UACA: variants seen among roughly 807,000 people sequenced by gnomAD.
UACA encodes the protein uveal autoantigen with coiled-coil domains and ankyrin repeats, also known as nuclear membrane binding protein.
In UACA, 112 loss-of-function variants were observed where a neutral mutation model predicts 160.5. The observed-to-expected ratio is 0.70, with a 90% confidence interval of 0.60 to 0.82. The LOEUF is 0.82. Ranked by LOEUF, UACA falls within the 40% of genes least tolerant of loss-of-function variation. The pLI, the probability that UACA is intolerant of heterozygous loss-of-function variation, is 0.00. For synonymous variants in UACA, 557 were observed against 568.4 expected (o/e 0.98, Z 0.29); for missense variants, 1,574 against 1,614.6 (o/e 0.97, Z 0.43).
chr15:70,672,506 G>A (rs1374642619), intron 13 of UACA, among the ~76,000 whole-genome samples: 1 of 146,942 alleles, frequency 6.8e-6, no homozygotes, highest in Non-Finnish European at 1.5e-5. Context: ...AAATGAAACT[G>A]AGGCAGAGAC....
chr15:70,763,707 G>A (rs2030921245), upstream of UACA: 2 of 364,750 alleles, frequency 5.5e-6, no homozygotes, highest in Non-Finnish European at 4.5e-6. Context: ...TGGAGGAAAA[G>A]TTTGGGAACT....
chr15:70,763,805 C>T (rs2030927525), upstream of UACA, among the ~76,000 whole-genome samples: 1 of 152,238 alleles, frequency 6.6e-6, no homozygotes, highest in Non-Finnish European at 1.5e-5. Context: ...GCCCGCCCAC[C>T]CGGAGCTTAA....
intron 8 of UACA, 46 bp downstream of exon 8, chr15:70,684,218 GC>G (rs1406182611): frequency 1.3e-6 from 2 of 1,508,142 alleles, no homozygotes; most frequent in African/African-American, 1.4e-5. Context: ...TTAAAAAGTG[GC>G]TCTTTGTTAA....
chr15:70,771,233 T>C, the UACA span, among the ~76,000 whole-genome samples: 4 of 152,262 alleles, frequency 2.6e-5, no homozygotes, highest in Admixed American at 1.3e-4. Context: ...GAAGAACTTA[T>C]GTTCACTATT....
chr15:70,775,804 G>A, the UACA span, among the ~76,000 whole-genome samples: 8 of 152,284 alleles, frequency 5.3e-5, no homozygotes, highest in Non-Finnish European at 8.8e-5. Flanking sequence ...CCATGTGAGC[G>A]CCTGAGAAGT....
upstream of UACA, among the ~76,000 whole-genome samples, chr15:70,767,587 C>CA (rs74757385): frequency 2.2e-3 from 270 of 122,624 alleles, 1 homozygote; most frequent in East Asian, 6.2e-3. Flanking sequence ...GACTTCATCT[C>CA]AAAAAAAAAA....
chr15:70,728,057 C>T (rs1329497655), intron 1 of UACA, among the ~76,000 whole-genome samples: 2 of 152,080 alleles, frequency 1.3e-5, no homozygotes, highest in East Asian at 3.9e-4. Context: ...GAAGATAGAA[C>T]CCAGAAATAA....
chr15:70,755,700 A>T (rs1595926858), intron 1 of UACA, among the ~76,000 whole-genome samples: 3 of 151,842 alleles, frequency 2.0e-5, no homozygotes, highest in East Asian at 1.9e-4. Context: ...AATGAATGAA[A>T]ACCTTCCTTT....
Sources: allele counts gnomAD v4.1 joint callset (sites outside exome capture counted in the v4.1 genomes callset), GRCh38; gene constraint gnomAD v4.1.1; transcripts MANE v1.5; gene names NCBI Gene and HGNC (gene_info 2026-07-23, HGNC 2026-07-21).